GLS: variants seen among roughly 807,000 people sequenced by gnomAD.
GLS encodes glutaminase, also known as glutaminase kidney isoform, mitochondrial.
Under a neutral mutation model 86.7 loss-of-function variants are expected in GLS, and 36 were observed. The ratio of observed to expected loss-of-function variants is 0.42; its 90% CI spans 0.32 to 0.55. The LOEUF (loss-of-function observed/expected upper bound fraction) is 0.55, where lower values mean the gene tolerates loss of function less well. Among genes scored for constraint, GLS ranks in the 20% least tolerant of loss-of-function variants. The pLI is 0.17. For missense variants in GLS, 528 were observed against 833.4 expected (o/e 0.63, Z 4.51); for synonymous variants, 317 against 305.9 (o/e 1.04, Z -0.38).
chr2:190,943,043 G>A lies in GLS; in HGVS notation c.1651-10522G>A, dbSNP rs1055358929. On this transcript the variant is annotated intron_variant, in intron 14 of 17. Coordinates refer to ENST00000320717, the MANE Select transcript of GLS (RefSeq NM_014905.5). The surrounding 1 kb of genome is among the most constrained non-coding windows in gnomAD (Gnocchi z 4.5). ...AAGCTTTACTGGAAACTCACCTGACGCTCATTGACCAGACTAACTGCAAGG... is the reference window on the plus strand; with the variant it reads ...AAGCTTTACTGGAAACTCACCTGACACTCATTGACCAGACTAACTGCAAGG... Among the ~76,000 whole-genome samples, 4 of 152,144 alleles carry A rather than the reference G, an allele frequency of 2.6e-5. No homozygotes were observed. Among genetic ancestry groups the A allele is most frequent in the Non-Finnish European group, 5.9e-5 (4 of 68,028 alleles).
At position 190,953,950 on chromosome 2, in the gene GLS, ATGTGTGTGTGTGTGTG is replaced by A. The variant is rs57991546; in HGVS notation, c.1712+355_1712+370del. Among the ~76,000 whole-genome samples the A allele has an allele frequency of 5.8e-3, 790 of 136,762 alleles. 8 individuals are homozygous for A. Among genetic ancestry groups the A allele is most frequent in the African/African-American group, 0.02 (721 of 36,250 alleles). 89.7% of individuals were successfully genotyped at this position (136,762 alleles called of 152,430 possible). On this transcript the variant is annotated intron_variant, in intron 15 of 17. Transcript: ENST00000320717. This position sits in a 1 kb window ranked among gnomAD's most constrained non-coding sequence, Gnocchi z 4.0. ...CTACCCTCCATTCCCAATCTTTGAT[ATGTGTGTGTGTGTGTG>A]TGTGTGTGTGTGTGTGTGTGTGTGT...
chr2:190,931,262 TAGA>T lies in GLS; in HGVS notation c.1558-278_1558-276del, dbSNP rs577129034. On this transcript the variant is annotated intron_variant, in intron 13 of 17. Coordinates refer to ENST00000320717, the MANE Select transcript of GLS (RefSeq NM_014905.5). ...TTAATGTGGCTTTACACTTATTTGA[TAGA>T]AGAATTCTTTCATGGGGCCGGTTAT... Among the ~76,000 whole-genome samples, 558 of 152,306 alleles carry T rather than the reference TAGA, an allele frequency of 3.7e-3. 2 individuals are homozygous for T. The highest frequency in any genetic ancestry group is 5.6e-3 in the Non-Finnish European group (379 of 67,994).
In GLS at chr2:190,923,966, TA is replaced by T; in HGVS notation, c.1181del (p.Tyr394SerfsTer2). On this transcript the variant is annotated frameshift_variant, in exon 10 of 18. Coordinates refer to ENST00000320717, the MANE Select transcript of GLS (RefSeq NM_014905.5). LOFTEE classifies it high-confidence loss of function. ...AGATCGAAATTTTGCAATAGGATAT[TA>T]CTTAAAAGAAAAGAAGGTTTTTAAA... ...SGDRNFAIGY[Y>X]LKEKKCFPEG... 6.7e-7 allele frequency: 1 copy of T among 1,497,452 alleles called. No individual in the cohort carries two copies. The highest frequency in any genetic ancestry group is 1.2e-5 in the South Asian group (1 of 83,752). The allele number at this position is 1,497,452 out of a possible 1,614,324, so 92.8% of individuals were successfully genotyped here. A position where few individuals can be genotyped will look rare whatever the true frequency, so the allele number is the denominator to read the frequency against.
intron 9 of GLS, among the ~76,000 whole-genome samples, chr2:190,923,107 C>T (rs1275085308): frequency 6.6e-6 from 1 of 152,158 alleles, no homozygotes; most frequent in East Asian, 1.9e-4. Context: ...GCTTTTGTAG[C>T]TCTCATTACA....
chr2:190,911,979 A>G (rs556888870), intron 7 of GLS, among the ~76,000 whole-genome samples: 328 of 152,240 alleles, frequency 2.2e-3, no homozygotes, highest in Middle Eastern at 0.017. Context: ...TTAATGATTC[A>G]TGGGTTTAAC....
intron 1 of GLS, among the ~76,000 whole-genome samples, chr2:190,889,064 T>A (rs1559314785): frequency 6.6e-6 from 1 of 152,214 alleles, no homozygotes; most frequent in Non-Finnish European, 1.5e-5. Flanking sequence ...GTGTAGTGAT[T>A]TGGAGGACAT....
intron 1 of GLS, among the ~76,000 whole-genome samples, chr2:190,887,367 C>T (rs1001864175): frequency 6.6e-6 from 1 of 151,958 alleles, no homozygotes; most frequent in Non-Finnish European, 1.5e-5. Flanking sequence ...TGTTAATGTA[C>T]CTTGACTTCC....
At chr2:190,937,531 G>A (rs1690306745) in intron 14 of GLS, among the ~76,000 whole-genome samples, 1 of 151,334 alleles carries the variant, frequency 6.6e-6, no homozygotes, top group Non-Finnish European at 1.5e-5. Flanking sequence ...TAAGTAGACT[G>A]ATTATAAATG....
intron 5 of GLS, among the ~76,000 whole-genome samples, chr2:190,903,187 G>A (rs777449014): frequency 2.6e-5 from 4 of 152,120 alleles, no homozygotes; most frequent in Non-Finnish European, 5.9e-5. Context: ...TGACTCGTAA[G>A]GACCTTCATT....
At chr2:190,896,471 T>C (rs973488989) in intron 3 of GLS, 2 of 152,240 alleles carry the variant, frequency 1.3e-5, no homozygotes, top group Admixed American at 1.3e-4. Flanking sequence ...AATACTACTA[T>C]AAGACATTGG....
Position 190,913,048 on chromosome 2 carries a change from T to G in GLS, c.1038+2727T>G. On this transcript the variant is annotated intron_variant, in intron 7 of 17. Coordinates refer to ENST00000320717, the MANE Select transcript of GLS (RefSeq NM_014905.5). This position sits in a 1 kb window ranked among gnomAD's most constrained non-coding sequence, Gnocchi z 6.1. ...GACCTTAAGGCTATTTGTGATTTTT[T>G]TTTTTCTTTCAAAATTCAGGAATTT... The G allele has an allele frequency of 1.6e-6, 1 of 644,110 alleles. No individual in the cohort carries two copies. The highest frequency in any genetic ancestry group is 1.6e-5 in the South Asian group (1 of 62,198). The allele number at this position is 644,110 out of a possible 1,614,324, so 39.9% of individuals were successfully genotyped here.
At chr2:190,881,845 T>G (rs1035195114) in intron 1 of GLS, 2 of 191,540 alleles carry the variant, frequency 1.0e-5, no homozygotes, top group Non-Finnish European at 2.1e-5. Context: ...CAGCCATTCG[T>G]GGGCGATGCT....
chr2:190,905,273 G>A lies in GLS; in HGVS notation c.979+106G>A. ...GATTAAAATTAAAAGTATTTGTCAT[G>A]TGATTTCTATATAATCCATTGAGAG... On this transcript the variant is annotated intron_variant, in intron 6 of 17. Transcript: ENST00000320717. This position sits in a 1 kb window ranked among gnomAD's most constrained non-coding sequence, Gnocchi z 4.6. 1.4e-6 allele frequency: 1 copy of A among 693,318 alleles called. No homozygotes were observed. 42.9% of individuals were successfully genotyped at this position (693,318 alleles called of 1,614,324 possible).
intron 14 of GLS, chr2:190,932,735 A>G (rs1690148818): frequency 1.2e-6 from 2 of 1,600,682 alleles, no homozygotes; most frequent in Non-Finnish European, 1.7e-6. Context: ...GGACCATTGG[A>G]CTATGAAAGT....
At chr2:190,928,989 T>A (rs1462523565) in intron 12 of GLS, among the ~76,000 whole-genome samples, 3 of 150,470 alleles carry the variant, frequency 2.0e-5, no homozygotes, top group Admixed American at 6.6e-5. Flanking sequence ...GTTTGTTTAT[T>A]TATTTATTTA....
chr2:190,881,049 C>G lies in GLS; in HGVS notation c.-36C>G. Reference sequence around the variant, plus strand: ...ACCGGCCGCCCACGCCCGGAGCATCCTCCCCTGTTGAGCGGGCGCTGACGG... The same window carrying G: ...ACCGGCCGCCCACGCCCGGAGCATCGTCCCCTGTTGAGCGGGCGCTGACGG... On this transcript the variant is annotated 5_prime_UTR_variant, in exon 1 of 18. Transcript: ENST00000320717. 2.0e-6 allele frequency: 3 copies of G among 1,532,510 alleles called. No homozygotes were observed. Among genetic ancestry groups the G allele is most frequent in the Middle Eastern group, 4.6e-4 (2 of 4,370 alleles). 94.9% of individuals were successfully genotyped at this position (1,532,510 alleles called of 1,614,324 possible).
Position 190,924,710 on chromosome 2 carries a change from A to T in GLS, c.1248+117A>T. The stretch of plus-strand genomic sequence containing the variant: ...GGCAGGTGGATCATGAGGTCAAGAG[A>T]TAGAGGTCATCCTGGCCAACATGGT... On this transcript the variant is annotated intron_variant, in intron 11 of 17. Coordinates refer to ENST00000320717, the MANE Select transcript of GLS (RefSeq NM_014905.5). The surrounding 1 kb of genome is among the most constrained non-coding windows in gnomAD (Gnocchi z 5.2). 1 of 655,616 alleles carries T rather than the reference A, an allele frequency of 1.5e-6. No individual in the cohort carries two copies. The highest frequency in any genetic ancestry group is 2.9e-5 in the East Asian group (1 of 34,850). The allele number at this position is 655,616 out of a possible 1,614,324, so 40.6% of individuals were successfully genotyped here. A position where few individuals can be genotyped will look rare whatever the true frequency, so the allele number is the denominator to read the frequency against.
chr2:190,885,765 G>A (rs1043970943), intron 1 of GLS, among the ~76,000 whole-genome samples: 1 of 151,692 alleles, frequency 6.6e-6, no homozygotes, highest in African/African-American at 2.4e-5. Context: ...TTTCCTTTGG[G>A]CTTCTCAGGC....
Position 190,920,610 on chromosome 2 carries a change from T to A in GLS, c.1039-414T>A, listed in dbSNP as rs936857666. 1.1e-4 allele frequency among the ~76,000 whole-genome samples: 16 copies of A among 151,946 alleles called. No individual in the cohort carries two copies. Among genetic ancestry groups the A allele is most frequent in the Admixed American group, 2.0e-4 (3 of 15,244 alleles). On this transcript the variant is annotated intron_variant, in intron 7 of 17. Coordinates refer to ENST00000320717, the MANE Select transcript of GLS (RefSeq NM_014905.5). The surrounding 1 kb of genome is among the most constrained non-coding windows in gnomAD (Gnocchi z 4.2). Reference sequence around the variant, plus strand: ...ATTTAATAAAATATAAGTAGATTGTTCTTAATTGAAATATTTTATATATAC... The same window carrying A: ...ATTTAATAAAATATAAGTAGATTGTACTTAATTGAAATATTTTATATATAC...
Sources: gnomAD v4.1 joint callset for allele counts (sites outside exome capture counted in the v4.1 genomes callset) on GRCh38, gnomAD v4.1.1 for gene constraint, Gnocchi (gnomAD v3.1) non-coding constraint, MANE v1.5 for transcripts, NCBI Gene and HGNC (gene_info 2026-07-23, HGNC 2026-07-21) for gene names.